The following LNPK variants were observed in gnomAD, a reference collection of about 807,000 sequenced individuals.
LNPK encodes endoplasmic reticulum junction formation protein lunapark.
A neutral mutation model predicts 55.2 loss-of-function variants in LNPK; 29 were observed. That is an observed-to-expected ratio of 0.53 (90% confidence interval 0.39 to 0.72). The LOEUF (loss-of-function observed/expected upper bound fraction) is 0.72. Among genes scored for constraint, LNPK ranks in the 30% least tolerant of loss-of-function variants. The pLI is 0.00. For missense variants in LNPK, 467 were observed against 494.8 expected (o/e 0.94, Z 0.53); for synonymous variants, 162 against 168.2 (o/e 0.96, Z 0.29).
intron 9 of LNPK, among the ~76,000 whole-genome samples, chr2:175,944,579 A>G (rs1453782784): frequency 1.3e-5 from 2 of 152,148 alleles, no homozygotes; most frequent in Non-Finnish European, 2.9e-5. Flanking sequence ...GTAAAACAAG[A>G]CAGAATGAAC....
intron 5 of LNPK, among the ~76,000 whole-genome samples, chr2:175,972,787 A>C (rs1376689888): frequency 6.6e-6 from 1 of 152,214 alleles, no homozygotes; most frequent in African/African-American, 2.4e-5. Flanking sequence ...TTTGAAAGGC[A>C]TTTATAAAAT....
At chr2:175,947,135 A>C (rs1180012704) in intron 9 of LNPK, among the ~76,000 whole-genome samples, 1 of 152,216 alleles carries the variant, frequency 6.6e-6, no homozygotes, top group Non-Finnish European at 1.5e-5. Flanking sequence ...AATACATTCC[A>C]AAAGTGTTTT....
intron 5 of LNPK, among the ~76,000 whole-genome samples, chr2:175,973,513 G>T (rs1393862363): frequency 6.6e-6 from 1 of 152,080 alleles, no homozygotes; most frequent in African/African-American, 2.4e-5. Flanking sequence ...CAAAAGTTTT[G>T]TACAATTTGT....
intron 4 of LNPK, among the ~76,000 whole-genome samples, chr2:175,980,906 A>AAG (rs1397714550): frequency 6.8e-6 from 1 of 146,786 alleles, no homozygotes; most frequent in Non-Finnish European, 1.5e-5. Flanking sequence ...GACTGTCCCA[A>AAG]AAAAAAAAAA....
At chr2:175,948,090 A>G (rs1277518518) in intron 8 of LNPK, among the ~76,000 whole-genome samples, 1 of 152,226 alleles carries the variant, frequency 6.6e-6, no homozygotes, top group African/African-American at 2.4e-5. Context: ...CTAAAAACTA[A>G]GCGATAAGTG....
intron 8 of LNPK, among the ~76,000 whole-genome samples, chr2:175,957,013 C>A (rs1391213264): frequency 6.6e-6 from 1 of 152,088 alleles, no homozygotes; most frequent in African/African-American, 2.4e-5. Context: ...TTTCTTCAAG[C>A]CTCCAACATT....
At chr2:175,950,909 C>T (rs977757747) in intron 8 of LNPK, among the ~76,000 whole-genome samples, 2 of 152,062 alleles carry the variant, frequency 1.3e-5, no homozygotes, top group African/African-American at 2.4e-5. Flanking sequence ...TCTAGAATTT[C>T]TAAGGCAATT....
chr2:175,936,910 G>A (rs1182509583), intron 12 of LNPK, among the ~76,000 whole-genome samples: 6 of 152,104 alleles, frequency 3.9e-5, no homozygotes, highest in Admixed American at 6.6e-5. Flanking sequence ...AAAGTTTCCT[G>A]CTTTCTGGTA....
intron 4 of LNPK, among the ~76,000 whole-genome samples, chr2:175,988,016 C>A (rs557956818): frequency 3.7e-4 from 57 of 152,262 alleles, no homozygotes; most frequent in African/African-American, 1.2e-3. Flanking sequence ...TATAACTAAA[C>A]CTTCCTTACT....
At chr2:175,976,068 C>T (rs1243769271) in intron 5 of LNPK, among the ~76,000 whole-genome samples, 1 of 151,864 alleles carries the variant, frequency 6.6e-6, no homozygotes, top group Non-Finnish European at 1.5e-5. Context: ...GTTTGTAGTA[C>T]AAAAAGATGG....
intron 3 of LNPK, among the ~76,000 whole-genome samples, chr2:175,992,818 T>C (rs968716851): frequency 6.6e-6 from 1 of 152,272 alleles, no homozygotes; most frequent in African/African-American, 2.4e-5. Flanking sequence ...CATCTATTTA[T>C]CACTCTCAAT....
chr2:175,992,986 A>G (rs1206572898), intron 3 of LNPK, among the ~76,000 whole-genome samples, 196 bp downstream of exon 3: 3 of 152,140 alleles, frequency 2.0e-5, no homozygotes, highest in African/African-American at 7.2e-5. Context: ...AACTGGCTCT[A>G]TTACTTGAAA....
At chr2:175,999,620 G>T (rs1408332152) in intron 1 of LNPK, among the ~76,000 whole-genome samples, 1 of 152,100 alleles carries the variant, frequency 6.6e-6, no homozygotes, top group Admixed American at 6.5e-5. Flanking sequence ...CAATTTGCTT[G>T]CCCTGGATTG....
rs553860278 is a variant in LNPK, at chr2:175,971,744, T to C, written c.317-940A>G. Reference sequence around the variant, plus strand: ...ATTAAGCAGTCTTTAATGTGATAGCTAACTTGTTACTAAAAGCAGAGGAAA... The same window carrying C: ...ATTAAGCAGTCTTTAATGTGATAGCCAACTTGTTACTAAAAGCAGAGGAAA... On this transcript the variant is annotated intron_variant, in intron 5 of 12. Transcript: ENST00000272748. 2.0e-5 allele frequency among the ~76,000 whole-genome samples: 3 copies of C among 152,328 alleles called. No homozygotes were observed. In the East Asian group the frequency reaches 5.8e-4, roughly 29 times the overall value.
Position 175,939,605 on chromosome 2 carries a change from T to C in LNPK, c.759A>G (p.Arg253=). The change falls in exon 10 of 13, where the codon CGA becomes CGG. Residue 253 remains arginine (R), a synonymous_variant. Transcript: ENST00000272748. Reference sequence around the variant, plus strand: ...ATTCAACAATTCTATCCAAAGCACCTCGTTCTCGGGGGAGAATAGGTCTTG... The same window carrying C: ...ATTCAACAATTCTATCCAAAGCACCCCGTTCTCGGGGGAGAATAGGTCTTG... The part of the protein sequence containing the change: ...PLARPILPRE[R]GALDRIVEYL... The C allele has an allele frequency of 6.2e-7, 1 of 1,608,448 alleles. No homozygotes were observed. The highest frequency in any genetic ancestry group is 8.5e-7 in the Non-Finnish European group (1 of 1,176,216).
chr2:175,968,598 GA>G (rs1686489189), intron 6 of LNPK, among the ~76,000 whole-genome samples: 1 of 152,048 alleles, frequency 6.6e-6, no homozygotes, highest in Non-Finnish European at 1.5e-5. Context: ...GAATTTTTTA[GA>G]TAACTAAAGA....
rs972901665 is a variant in LNPK, at chr2:175,951,607, A to ATATATATATATC, written c.494-3916_494-3915insGATATATATATA. 1.0e-3 allele frequency among the ~76,000 whole-genome samples: 127 copies of ATATATATATATC among 121,730 alleles called. 6 individuals carry two copies. The highest frequency in any genetic ancestry group is 1.8e-3 in the Non-Finnish European group (95 of 53,062). 79.9% of individuals were successfully genotyped at this position (121,730 alleles called of 152,430 possible). A position where few individuals can be genotyped will look rare whatever the true frequency, so the allele number is the denominator to read the frequency against. ...TTCATATATATATATATATATATATATATCTCAGTTTCTTTATCCACTCAT... is the reference window on the plus strand; with the variant it reads ...TTCATATATATATATATATATATATATATATATATATCTATCTCAGTTTCTTTATCCACTCAT... On this transcript the variant is annotated intron_variant, in intron 8 of 12. Transcript: ENST00000272748.
intron 1 of LNPK, among the ~76,000 whole-genome samples, chr2:175,999,623 C>T (rs1303899610): frequency 6.6e-6 from 1 of 152,106 alleles, no homozygotes; most frequent in Non-Finnish European, 1.5e-5. Context: ...TTTGCTTGCC[C>T]TGGATTGGAC....
At chr2:175,966,712 T>C (rs1032720031) in intron 6 of LNPK, among the ~76,000 whole-genome samples, 1 of 152,226 alleles carries the variant, frequency 6.6e-6, no homozygotes, top group African/African-American at 2.4e-5. Flanking sequence ...TAATAATATG[T>C]TTTAAATACA....
Sources: allele counts gnomAD v4.1 joint callset (sites outside exome capture counted in the v4.1 genomes callset), GRCh38; gene constraint gnomAD v4.1.1; transcripts MANE v1.5; gene names NCBI Gene and HGNC (gene_info 2026-07-23, HGNC 2026-07-21).